MIB1: variants seen among roughly 807,000 people sequenced by gnomAD.
MIB1 encodes the protein MIB E3 ubiquitin protein ligase 1.
A neutral mutation model predicts 124.5 loss-of-function variants in MIB1; 278 were observed. The observed-to-expected ratio is 2.23, with a 90% CI of 2.02 to 2.47. The LOEUF (loss-of-function observed/expected upper bound fraction) is 2.47, where lower values mean the gene tolerates loss of function less well. MIB1 is among the 30% of genes most tolerant of loss of function. MIB1 has a pLI of 0.00. For synonymous variants in MIB1, 446 were observed against 429.4 expected, an observed-to-expected ratio of 1.04 and a Z score of -0.48; for missense variants, 957 against 1,254.4, an observed-to-expected ratio of 0.76 and a Z score of 3.58.
intron 6 of MIB1, among the ~76,000 whole-genome samples, chr18:21,785,271 C>A (rs956877089): frequency 6.6e-6 from 1 of 151,940 alleles, no homozygotes; most frequent in Non-Finnish European, 1.5e-5. Flanking sequence ...GCATTTGGGG[C>A]CGCTACCGGT....
chr18:21,819,547 A>ATATCC lies in MIB1; in HGVS notation c.1733_1737dup (p.Ala580SerfsTer2). 1 of 1,610,790 alleles carries ATATCC rather than the reference A, an allele frequency of 6.2e-7. No individual in the cohort carries two copies. Among genetic ancestry groups the ATATCC allele is most frequent in the Non-Finnish European group, 8.5e-7 (1 of 1,177,454 alleles). On this transcript the variant is annotated frameshift_variant, in exon 12 of 21. Transcript: ENST00000261537. LOFTEE classifies it high-confidence loss of function. ...GATGCAATAAGTAAGAAACGTGATG[A>ATATCC]TATCCTAGCAGTTCTTTTGGAAGCT... is the stretch of plus-strand genomic sequence containing the variant.
At chr18:21,846,814 T>C (rs1161938187) in intron 15 of MIB1, 130 bp from the exon 16 acceptor site, 8 of 791,124 alleles carry the variant, frequency 1.0e-5, no homozygotes, top group Non-Finnish European at 1.6e-5. Flanking sequence ...AAACCAGGGG[T>C]AGAGTGGTGG....
chr18:21,788,832 T>G (rs897597623), intron 6 of MIB1, among the ~76,000 whole-genome samples: 1 of 152,094 alleles, frequency 6.6e-6, no homozygotes, highest in Non-Finnish European at 1.5e-5. Context: ...ATGAACAATA[T>G]GAAAATGAAA....
chr18:21,798,096 G>C lies in MIB1; in HGVS notation c.1105G>C (p.Val369Leu), dbSNP rs1478898046. The C allele has an allele frequency of 6.2e-7, 1 of 1,612,820 alleles. No individual in the cohort carries two copies. Among genetic ancestry groups the C allele is most frequent in the East Asian group, 2.2e-5 (1 of 44,848 alleles). Residue 369 changes from valine to leucine, a missense_variant, in exon 8 of 21, where the codon GTT becomes CTT. Physicochemically the swap from Val to Leu is conservative, Grantham distance 32. Transcript: ENST00000261537. ...AEAMLPTLGKVGRVQQIYSDS... is the reference protein window; with the variant it reads ...AEAMLPTLGKLGRVQQIYSDS... ...TTTTTTCCCCAAGACTTTAGGTAAA[G>C]TTGGCCGAGTACAACAGATTTATTC...
Position 21,857,180 on chromosome 18 carries a change from C to T in MIB1, c.2716C>T (p.Arg906Ter), listed in dbSNP as rs201146927. Reference sequence around the variant, plus strand: ...TGTGCAGTGTCGAGCAGTAGTTGAACGAAGAGTGCCTTTCATTATGTGCTG... The same window carrying T: ...TGTGCAGTGTCGAGCAGTAGTTGAATGAAGAGTGCCTTTCATTATGTGCTG... Reference protein sequence around the residue: ...KCVQCRAVVERRVPFIMCCGG... With the variant: ...KCVQCRAVVE Residue 906 changes from arginine (R) to a stop codon, truncating the protein, a stop_gained, in exon 19 of 21, where the codon CGA becomes TGA. Transcript: ENST00000261537. LOFTEE classifies it high-confidence loss of function. 74 of 1,614,002 alleles carry T rather than the reference C, an allele frequency of 4.6e-5. No individual in the cohort carries two copies. The highest frequency in any genetic ancestry group is 1.6e-4 in the Middle Eastern group (1 of 6,084).
At chr18:21,777,801 G>T (rs1032382641) in intron 4 of MIB1, among the ~76,000 whole-genome samples, 2 of 152,062 alleles carry the variant, frequency 1.3e-5, no homozygotes, top group Non-Finnish European at 2.9e-5. Context: ...CAAGTGATCC[G>T]CCCATCTTGG....
At chr18:21,714,656 G>C (rs533896533) in intron 1 of MIB1, among the ~76,000 whole-genome samples, 64 of 152,290 alleles carry the variant, frequency 4.2e-4, no homozygotes, top group Non-Finnish European at 7.2e-4. Context: ...AAATGACACT[G>C]AAATTTCTGA....
intron 1 of MIB1, among the ~76,000 whole-genome samples, chr18:21,733,908 T>G (rs2040783401): frequency 6.6e-6 from 1 of 152,098 alleles, no homozygotes; most frequent in Non-Finnish European, 1.5e-5. Flanking sequence ...TTTCTCCATG[T>G]TGGTCAGGCT....
At chr18:21,835,386 A>G (rs539929104) in intron 12 of MIB1, among the ~76,000 whole-genome samples, 175 of 152,318 alleles carry the variant, frequency 1.1e-3, no homozygotes, top group Non-Finnish European at 1.8e-3. Context: ...GAATGTGGAC[A>G]TAAGAAGAGA....
chr18:21,814,197 G>A (rs2041804444), intron 10 of MIB1, among the ~76,000 whole-genome samples: 1 of 151,998 alleles, frequency 6.6e-6, no homozygotes, highest in South Asian at 2.1e-4. Context: ...AAATAGTTTT[G>A]GAATTTTTGA....
chr18:21,857,077 C>A, intron 18 of MIB1, 53 bp from the exon 19 acceptor site: 1 of 1,185,668 alleles, frequency 8.4e-7, no homozygotes, highest in Non-Finnish European at 1.3e-6. Flanking sequence ...AGAAAGGCAA[C>A]ACTCCTATTA....
chr18:21,799,333 C>G (rs1439395661), intron 8 of MIB1, among the ~76,000 whole-genome samples: 3 of 151,990 alleles, frequency 2.0e-5, no homozygotes, highest in African/African-American at 7.2e-5. Flanking sequence ...AAGTTATTAG[C>G]ACTTAGATGT....
chr18:21,754,074 T>C (rs2041004439), intron 1 of MIB1, among the ~76,000 whole-genome samples: 1 of 152,214 alleles, frequency 6.6e-6, no homozygotes, highest in African/African-American at 2.4e-5. Flanking sequence ...GCACACTGTA[T>C]TTCTCCTTTG....
intron 10 of MIB1, among the ~76,000 whole-genome samples, chr18:21,813,307 A>G (rs936282848): frequency 6.6e-6 from 1 of 151,540 alleles, no homozygotes; most frequent in Non-Finnish European, 1.5e-5. Context: ...AGATTAACTT[A>G]GAGAGATTAA....
chr18:21,807,460 C>G (rs553525366), intron 10 of MIB1, among the ~76,000 whole-genome samples: 7 of 152,204 alleles, frequency 4.6e-5, no homozygotes, highest in African/African-American at 1.4e-4. Context: ...AAGACTAAAG[C>G]AAAAGTTCAT....
At chr18:21,714,427 A>G (rs995005117) in intron 1 of MIB1, among the ~76,000 whole-genome samples, 1 of 152,186 alleles carries the variant, frequency 6.6e-6, no homozygotes, top group Non-Finnish European at 1.5e-5. Context: ...TCTACACTGC[A>G]TAATTTCTGA....
chr18:21,765,841 G>A lies in MIB1; in HGVS notation c.299G>A (p.Cys100Tyr). ...QQPIIGIRWK[C>Y]AECTNYDLCT... is the part of the protein sequence containing the mutation. Reference sequence around the variant, plus strand: ...CCAATCATTGGCATTCGATGGAAGTGTGCAGAGTGTACAAATTATGATTTG... The same window carrying A: ...CCAATCATTGGCATTCGATGGAAGTATGCAGAGTGTACAAATTATGATTTG... Residue 100 changes from cysteine (C) to tyrosine (Y), a missense_variant, in exon 2 of 21, where the codon TGT becomes TAT. Transcript: ENST00000261537. 1 of 1,614,160 alleles carries A rather than the reference G, an allele frequency of 6.2e-7. No individual in the cohort carries two copies. Among genetic ancestry groups the A allele is most frequent in the Non-Finnish European group, 8.5e-7 (1 of 1,180,012 alleles).
intron 12 of MIB1, chr18:21,829,263 G>A: frequency 6.3e-6 from 2 of 318,568 alleles, no homozygotes; most frequent in Non-Finnish European, 1.2e-5. Flanking sequence ...CCATATTCTT[G>A]GTGGACATAG....
chr18:21,844,468 T>C (rs1043647012), intron 15 of MIB1, among the ~76,000 whole-genome samples: 2 of 152,160 alleles, frequency 1.3e-5, no homozygotes, highest in African/African-American at 4.8e-5. Context: ...GTTGTTGTTA[T>C]GTGGAGTCCC....
Sources: allele counts gnomAD v4.1 joint callset (sites outside exome capture counted in the v4.1 genomes callset), GRCh38; gene constraint gnomAD v4.1.1; transcripts MANE v1.5; gene names NCBI Gene and HGNC (gene_info 2026-07-23, HGNC 2026-07-21).